Variants in ARL6IP1 observed in about 807,000 individuals in gnomAD.
ARL6IP1 encodes the protein ARL6 interacting reticulophagy regulator 1, also known as ADP-ribosylation factor-like protein 6-interacting protein 1.
In ARL6IP1, 16 loss-of-function variants were observed where a neutral mutation model predicts 30.1. That is an observed-to-expected ratio of 0.53 (90% CI 0.36 to 0.81). The LOEUF is 0.81. Ranked by LOEUF, ARL6IP1 falls within the 30% of genes least tolerant of loss-of-function variation. The pLI is 0.01. For synonymous variants in ARL6IP1, 72 were observed against 84.8 expected (o/e 0.85, Z 0.83); for missense variants, 173 against 242.7 (o/e 0.71, Z 1.91).
At position 18,801,499 on chromosome 16, in the gene ARL6IP1, C is replaced by G. The variant is rs753239590; in HGVS notation, c.-33G>C. On this transcript the variant is annotated 5_prime_UTR_variant, in exon 1 of 6. Coordinates refer to ENST00000304414, the MANE Select transcript of ARL6IP1 (RefSeq NM_015161.3). Reference sequence around the variant, plus strand: ...GGGATGCAGTCTCTACAAGCGCAGGCCACCTCCCCAACGAGTCCTCCAACC... The same window carrying G: ...GGGATGCAGTCTCTACAAGCGCAGGGCACCTCCCCAACGAGTCCTCCAACC... 2.5e-6 allele frequency: 4 copies of G among 1,608,236 alleles called. No homozygotes were observed. The highest frequency in any genetic ancestry group is 1.7e-5 in the Admixed American group (1 of 58,708).
intron 3 of ARL6IP1, among the ~76,000 whole-genome samples, chr16:18,797,144 C>T (rs2030256315): frequency 6.6e-6 from 1 of 151,964 alleles, no homozygotes; most frequent in Admixed American, 6.6e-5. Context: ...CTTTGGGAGG[C>T]CGAGGCGGGC....
chr16:18,801,529 C>G lies in ARL6IP1; in HGVS notation c.-63G>C. ...TCCCCAACGAGTCCTCCAACCGAAACCCGCACACCAACCACAACCCGAGGG... is the reference window on the plus strand; with the variant it reads ...TCCCCAACGAGTCCTCCAACCGAAAGCCGCACACCAACCACAACCCGAGGG... On this transcript the variant is annotated 5_prime_UTR_variant, in exon 1 of 6. Coordinates refer to ENST00000304414, the MANE Select transcript of ARL6IP1 (RefSeq NM_015161.3). 1 of 1,590,042 alleles carries G rather than the reference C, an allele frequency of 6.3e-7. No homozygotes were observed. Among genetic ancestry groups the G allele is most frequent in the South Asian group, 1.1e-5 (1 of 87,752 alleles).
intron 3 of ARL6IP1, 78 bp from the exon 4 acceptor site, chr16:18,795,659 G>A (rs968124293): frequency 5.6e-6 from 5 of 891,168 alleles, no homozygotes; most frequent in Non-Finnish European, 8.9e-6. Context: ...CAATTTAAGA[G>A]CTATCTTCTA....
At chr16:18,798,209 T>C in intron 2 of ARL6IP1, 165 bp from the exon 3 acceptor site, 1 of 608,336 alleles carries the variant, frequency 1.6e-6, no homozygotes, top group South Asian at 2.4e-5. Context: ...TGTGACATGC[T>C]GATATCATAG....
intron 1 of ARL6IP1, 68 bp downstream of exon 1, chr16:18,801,363 C>T (rs1396989772): frequency 1.4e-5 from 23 of 1,594,548 alleles, no homozygotes; most frequent in Non-Finnish European, 2.0e-5. Flanking sequence ...GACGAGGCCG[C>T]GGTGTTTGAG....
rs779272619 is a variant in ARL6IP1, at chr16:18,801,434, C to G, written c.33G>C (p.Leu11=). 3 of 1,612,838 alleles carry G rather than the reference C, an allele frequency of 1.9e-6. No individual in the cohort carries two copies. In the African/African-American group the frequency reaches 4.0e-5, roughly 22 times the overall value. The change falls in exon 1 of 6, where the codon CTG becomes CTC. Residue 11 remains leucine, a synonymous_variant. Transcript: ENST00000304414. The stretch of plus-strand genomic sequence containing the variant: ...GGGACAGGCAGCCAGGACTCACCAG[C>G]AGGTTGGTGCTGCGATTATCTCCCT... MAEGDNRSTN[L]LAAETASLEE... is the part of the protein sequence containing the mutation.
intron 5 of ARL6IP1, among the ~76,000 whole-genome samples, chr16:18,793,986 G>A (rs2030153372): frequency 6.6e-6 from 1 of 152,014 alleles, no homozygotes; most frequent in African/African-American, 2.4e-5. Context: ...GGCGGTGGTG[G>A]GTGGGGGGGG....
At chr16:18,798,086 A>AG in intron 2 of ARL6IP1, 42 bp from the exon 3 acceptor site, 1 of 1,527,050 alleles carries the variant, frequency 6.5e-7, no homozygotes, top group Non-Finnish European at 8.9e-7. Context: ...CATAGTCATT[A>AG]TTATTCCTAA....
chr16:18,798,095 A>G (rs2030295714), intron 2 of ARL6IP1, 51 bp from the exon 3 acceptor site: 1 of 1,500,922 alleles, frequency 6.7e-7, no homozygotes. Context: ...TATTATTCCT[A>G]ACTAAACATG....
At chr16:18,797,397 A>G (rs1596947436) in intron 3 of ARL6IP1, among the ~76,000 whole-genome samples, 1 of 151,824 alleles carries the variant, frequency 6.6e-6, no homozygotes, top group South Asian at 2.1e-4. Context: ...AAAAAAAAAA[A>G]AAGAGAATGG....
chr16:18,798,260 G>A (rs1261422618), intron 2 of ARL6IP1: 1 of 419,032 alleles, frequency 2.4e-6, no homozygotes, highest in Non-Finnish European at 4.3e-6. Context: ...AAAGCTCTTT[G>A]GAGTTCTCAG....
intron 1 of ARL6IP1, chr16:18,801,174 C>T: frequency 7.2e-7 from 1 of 1,396,460 alleles, no homozygotes; most frequent in Non-Finnish European, 9.3e-7. Context: ...GCCCCTCTGC[C>T]TCCCACTTCC....
chr16:18,793,902 A>G (rs909361577), intron 5 of ARL6IP1, among the ~76,000 whole-genome samples: 73 of 149,618 alleles, frequency 4.9e-4, no homozygotes, highest in Admixed American at 9.3e-4. Context: ...TTTAGTACAC[A>G]TGTGATTTCG....
intron 1 of ARL6IP1, among the ~76,000 whole-genome samples, chr16:18,800,647 C>T (rs1327522094): frequency 2.0e-5 from 3 of 152,200 alleles, no homozygotes. Context: ...TTCCGTTTTT[C>T]ATTGCTGGTA....
At chr16:18,794,454 T>A (rs1021912698) in intron 5 of ARL6IP1, 145 bp downstream of exon 5, 4 of 517,972 alleles carry the variant, frequency 7.7e-6, no homozygotes, top group Non-Finnish European at 1.4e-5. Flanking sequence ...GTTTTCACTT[T>A]CTATGAGACC....
chr16:18,793,430 ACTTTT>A, intron 5 of ARL6IP1, 60 bp from the exon 6 acceptor site: 2 of 897,302 alleles, frequency 2.2e-6, no homozygotes, highest in Non-Finnish European at 3.2e-6. Context: ...AAAGGTTATT[ACTTTT>A]TTTTTTTTTT....
At position 18,801,326 on chromosome 16, in the gene ARL6IP1, AG is replaced by A. The variant is rs59767322; in HGVS notation, c.36+104del. On this transcript the variant is annotated intron_variant, in intron 1 of 5. Coordinates refer to ENST00000304414, the MANE Select transcript of ARL6IP1 (RefSeq NM_015161.3). ...GCATCGTCGCCTGCCCAGGGAGAGAAGGGCCGGGCCCGCGGCGGGTGACAGG... is the reference window on the plus strand; with the variant it reads ...GCATCGTCGCCTGCCCAGGGAGAGAAGGCCGGGCCCGCGGCGGGTGACAGG... The A allele has an allele frequency of 0.068, 105,592 of 1,551,940 alleles. 4,150 individuals are homozygous for A. Among genetic ancestry groups the A allele is most frequent in the African/African-American group, 0.15 (11,257 of 73,776 alleles).
chr16:18,799,854 A>G (rs2030354834), intron 1 of ARL6IP1, among the ~76,000 whole-genome samples: 1 of 152,220 alleles, frequency 6.6e-6, no homozygotes, highest in South Asian at 2.1e-4. Context: ...ATGTGGCAAA[A>G]GCCCTTAAAG....
rs1249289727 is a variant in ARL6IP1, at chr16:18,798,019, C to T, written c.196G>A (p.Val66Ile). 4 of 1,613,036 alleles carry T rather than the reference C, an allele frequency of 2.5e-6. No individual in the cohort carries two copies. The highest frequency in any genetic ancestry group is 3.4e-6 in the Non-Finnish European group (4 of 1,179,512). ...FLIIYYLDPS[V>I]LSGVSCFVMF... ...ACAAAACAGGAAACGCCGGACAGAA[C>T]AGATGGATCTAGATAGTAGATAATC... Residue 66 changes from valine to isoleucine, a missense_variant, in exon 3 of 6, where the codon GTT (valine) becomes ATT (isoleucine). Coordinates refer to ENST00000304414, the MANE Select transcript of ARL6IP1 (RefSeq NM_015161.3).
Sources: gnomAD v4.1 joint callset for allele counts (sites outside exome capture counted in the v4.1 genomes callset) on GRCh38, gnomAD v4.1.1 for gene constraint, MANE v1.5 for transcripts, NCBI Gene and HGNC (gene_info 2026-07-23, HGNC 2026-07-21) for gene names.